Variants in RBFA observed in about 807,000 individuals in gnomAD.
RBFA encodes putative ribosome-binding factor A, mitochondrial.
In RBFA, 16 loss-of-function variants were observed where a neutral mutation model predicts 27.9. The ratio of observed to expected loss-of-function variants is 0.57; its 90% CI spans 0.39 to 0.87. The LOEUF (loss-of-function observed/expected upper bound fraction) is 0.87, where lower values mean the gene tolerates loss of function less well. RBFA is among the 40% of genes least tolerant of loss of function. The probability of loss-of-function intolerance (pLI) is 0.00; values close to 1 mark genes in which losing one functional copy is unlikely to be tolerated. For missense variants in RBFA, 456 were observed against 432.1 expected (o/e 1.06, Z -0.49); for synonymous variants, 181 against 181.0 (o/e 1.00, Z 0.00).
rs1167983852 is a variant in RBFA at position 80,046,632 on chromosome 18, G to A, written c.*477G>A. 3.3e-5 allele frequency among the ~76,000 whole-genome samples: 5 copies of A among 152,000 alleles called. No homozygotes were observed. Among genetic ancestry groups the A allele is most frequent in the African/African-American group, 1.2e-4 (5 of 41,386 alleles). Reference sequence around the variant, plus strand: ...TGGCGCCGGGGGCTCCATCCCTGGGGCTGCTGGGTCGGCACGTGGCGCCGG... The same window carrying A: ...TGGCGCCGGGGGCTCCATCCCTGGGACTGCTGGGTCGGCACGTGGCGCCGG... On this transcript the variant is annotated 3_prime_UTR_variant, in exon 7 of 7. Coordinates refer to ENST00000306735, the MANE Select transcript of RBFA (RefSeq NM_024805.3).
In RBFA at chr18:80,038,510, C is replaced by A. The variant is rs769921430; in HGVS notation, c.384C>A (p.Ser128=). The change falls in exon 4 of 7, where the codon TCC becomes TCA. Residue 128 remains serine, a synonymous_variant. Coordinates refer to ENST00000306735, the MANE Select transcript of RBFA (RefSeq NM_024805.3). ...YDLNVELSKV[S]LTPDFSACRA... Reference sequence around the variant, plus strand: ...GTGGAGGGGCGGGGTCTCAGGTTTCCCTGACTCCAGACTTCTCAGCCTGCC... The same window carrying A: ...GTGGAGGGGCGGGGTCTCAGGTTTCACTGACTCCAGACTTCTCAGCCTGCC... 1 of 1,610,166 alleles carries A rather than the reference C, an allele frequency of 6.2e-7. No homozygotes were observed. The highest frequency in any genetic ancestry group is 1.1e-5 in the South Asian group (1 of 90,656).
chr18:80,035,641 GC>G (rs1287765388), intron 1 of RBFA: 1 of 152,148 alleles, frequency 6.6e-6, no homozygotes, highest in East Asian at 1.9e-4. Flanking sequence ...TACTCTTTTT[GC>G]CCCCTTTCCT....
In RBFA at chr18:80,048,761, C is replaced by T. The variant is rs1299719760; in HGVS notation, c.*2606C>T. Among the ~76,000 whole-genome samples, 6 of 152,138 alleles carry T rather than the reference C, an allele frequency of 3.9e-5. No homozygotes were observed. The highest frequency in any genetic ancestry group is 7.4e-5 in the Non-Finnish European group (5 of 67,990). On this transcript the variant is annotated 3_prime_UTR_variant, in exon 7 of 7. Coordinates refer to ENST00000306735, the MANE Select transcript of RBFA (RefSeq NM_024805.3). ...TGCTGCAGGAGATCCAACCAGGCGC[C>T]GGCTCAGTGCCTCCTAGAAAGAGGA...
chr18:80,041,910 T>C (rs1223521581), intron 4 of RBFA: 2 of 212,976 alleles, frequency 9.4e-6, no homozygotes, highest in Non-Finnish European at 1.9e-5. Flanking sequence ...GTATTTTTAG[T>C]AGAGACGGGG....
chr18:80,044,346 A>G (rs1466888185), intron 6 of RBFA, 61 bp downstream of exon 6: 4 of 1,451,338 alleles, frequency 2.8e-6, no homozygotes, highest in African/African-American at 1.4e-5. Flanking sequence ...TGGAATCACC[A>G]TTTTCCAGAG....
Position 80,048,390 on chromosome 18 carries a change from A to G in RBFA, c.*2235A>G, listed in dbSNP as rs1446437811. On this transcript the variant is annotated 3_prime_UTR_variant, in exon 7 of 7. Transcript: ENST00000306735. ...GTTAAAGAAGGAGAGAACGCCCTCA[A>G]TGGTGTGTCCTTTGCATACACACCT... Among the ~76,000 whole-genome samples, 2 of 152,184 alleles carry G rather than the reference A, an allele frequency of 1.3e-5. No individual in the cohort carries two copies. Among genetic ancestry groups the G allele is most frequent in the Non-Finnish European group, 1.5e-5 (1 of 68,030 alleles).
intron 4 of RBFA, 27 bp from the exon 5 acceptor site, chr18:80,042,108 T>G: frequency 4.5e-6 from 7 of 1,543,440 alleles, no homozygotes; most frequent in Non-Finnish European, 6.2e-6. Context: ...GGCACAGCTG[T>G]GAGGGTCTGT....
chr18:80,037,388 A>T lies in RBFA; in HGVS notation c.260A>T (p.Lys87Met). ...AGGAGCACCTCAAAGAAAACCAGGA[A>T]GGAAGACCATGCGCGCCTGAGGGCC... Reference protein sequence around the residue: ...LMRSTSKKTRKEDHARLRALN... With the variant: ...LMRSTSKKTRMEDHARLRALN... Residue 87 changes from lysine to methionine, a missense_variant, in exon 3 of 7, where the codon AAG becomes ATG. Lys to Met is a moderately conservative substitution (Grantham distance 95). Coordinates refer to ENST00000306735, the MANE Select transcript of RBFA (RefSeq NM_024805.3). The T allele has an allele frequency of 6.2e-7, 1 of 1,614,144 alleles. No homozygotes were observed. The highest frequency in any genetic ancestry group is 8.5e-7 in the Non-Finnish European group (1 of 1,180,018).
In RBFA at chr18:80,034,520, T is replaced by C; in HGVS notation, c.25T>C (p.Trp9Arg). 1.9e-6 allele frequency: 3 copies of C among 1,586,108 alleles called. No individual in the cohort carries two copies. Among genetic ancestry groups the C allele is most frequent in the Non-Finnish European group, 2.6e-6 (3 of 1,171,582 alleles). Reference protein sequence around the residue: MWAAAGGLWRSRAGLRALF... With the variant: MWAAAGGLRRSRAGLRALF... ...CATGTGGGCTGCGGCGGGCGGGCTG[T>C]GGCGCTCCCGCGCGGGTCTCCGGGC... Residue 9 changes from tryptophan (W) to arginine (R), a missense_variant, in exon 1 of 7, where the codon TGG (tryptophan) becomes CGG (arginine). Physicochemically the swap from Trp to Arg is moderately radical, Grantham distance 101. Coordinates refer to ENST00000306735, the MANE Select transcript of RBFA (RefSeq NM_024805.3).
rs1053297161 is a variant in RBFA at position 80,050,590 on chromosome 18, G to T, written c.*4435G>T. Among the ~76,000 whole-genome samples the T allele has an allele frequency of 6.6e-6, 1 of 152,194 alleles. No homozygotes were observed. Among genetic ancestry groups the T allele is most frequent in the Non-Finnish European group, 1.5e-5 (1 of 68,028 alleles). The stretch of plus-strand genomic sequence containing the variant: ...GCTGCTGCTCTACTGTGGCCTCAAA[G>T]ATCATAAATGCTGTGGGTGCTGGCA... On this transcript the variant is annotated 3_prime_UTR_variant, in exon 7 of 7. Transcript: ENST00000306735.
In RBFA at chr18:80,050,498, G is replaced by A. The variant is rs1337996051; in HGVS notation, c.*4343G>A. Among the ~76,000 whole-genome samples, 2 of 152,098 alleles carry A rather than the reference G, an allele frequency of 1.3e-5. No homozygotes were observed. The highest frequency in any genetic ancestry group is 2.9e-5 in the Non-Finnish European group (2 of 68,014). On this transcript the variant is annotated 3_prime_UTR_variant, in exon 7 of 7. Coordinates refer to ENST00000306735, the MANE Select transcript of RBFA (RefSeq NM_024805.3). ...TTATCCTTTGTGCCACAAACAATCC[G>A]ATTATATTGTTTTAGTTATTTTTAA...
At chr18:80,035,301 T>G (rs2051970158) in intron 1 of RBFA, 1 of 152,470 alleles carries the variant, frequency 6.6e-6, no homozygotes, top group Non-Finnish European at 1.5e-5. Flanking sequence ...TATTCACTTT[T>G]CCTTGGTTCT....
intron 4 of RBFA, 151 bp from the exon 5 acceptor site, chr18:80,041,984 C>G (rs1475510310): frequency 2.9e-6 from 1 of 341,864 alleles, no homozygotes; most frequent in Non-Finnish European, 5.3e-6. Context: ...CCTCGGCCTC[C>G]CAAAGTGCTG....
At position 80,046,214 on chromosome 18, in the gene RBFA, A is replaced by C. The variant is rs1017270954; in HGVS notation, c.*59A>C. The C allele has an allele frequency of 1.3e-6, 2 of 1,547,780 alleles. No individual in the cohort carries two copies. Among genetic ancestry groups the C allele is most frequent in the South Asian group, 2.5e-5 (2 of 80,900 alleles). ...GAAAAGCATTGGCACGCAACGCAGCATGTGGCTTCATTGAGGCAGTTGATG... is the reference window on the plus strand; with the variant it reads ...GAAAAGCATTGGCACGCAACGCAGCCTGTGGCTTCATTGAGGCAGTTGATG... On this transcript the variant is annotated 3_prime_UTR_variant, in exon 7 of 7. Coordinates refer to ENST00000306735, the MANE Select transcript of RBFA (RefSeq NM_024805.3).
At chr18:80,040,882 A>C (rs984694854) in intron 4 of RBFA, among the ~76,000 whole-genome samples, 5 of 152,180 alleles carry the variant, frequency 3.3e-5, no homozygotes, top group Non-Finnish European at 7.3e-5. Flanking sequence ...TGGGACCAAC[A>C]ATTTTGGGAA....
rs2051996227 is a variant in RBFA at position 80,038,522 on chromosome 18, C to G, written c.396C>G (p.Asp132Glu). ...VELSKVSLTP[D>E]FSACRAYWKT... The stretch of plus-strand genomic sequence containing the variant: ...GGTCTCAGGTTTCCCTGACTCCAGA[C>G]TTCTCAGCCTGCCGAGCGTACTGGA... The change falls in exon 4 of 7, where the codon GAC becomes GAG. Residue 132 changes from aspartate to glutamate, a missense_variant. Transcript: ENST00000306735. 3 of 1,613,172 alleles carry G rather than the reference C, an allele frequency of 1.9e-6. No homozygotes were observed. Among genetic ancestry groups the G allele is most frequent in the Admixed American group, 1.7e-5 (1 of 59,910 alleles).
intron 4 of RBFA, chr18:80,041,194 G>A (rs1206241117): frequency 6.6e-6 from 1 of 152,220 alleles, no homozygotes; most frequent in East Asian, 1.9e-4. Flanking sequence ...ACAAAAGCAA[G>A]AAAATGAGAG....
rs1011615498 is a variant in RBFA, at chr18:80,034,601, T to G, written c.106T>G (p.Cys36Gly). ...LFPGCERGLH[C>G]SAVSCKNWLK... is the part of the protein sequence containing the mutation. ...TCCAGGCTGCGAGCGGGGACTTCAC[T>G]GCTCTGCTGTCTCCTGCAAGAACTG... is the stretch of plus-strand genomic sequence containing the variant. Residue 36 changes from cysteine to glycine, a missense_variant, in exon 1 of 7, where the codon TGC becomes GGC. Physicochemically the swap from Cys to Gly is radical, Grantham distance 159. Coordinates refer to ENST00000306735, the MANE Select transcript of RBFA (RefSeq NM_024805.3). 5 of 1,609,924 alleles carry G rather than the reference T, an allele frequency of 3.1e-6. No individual in the cohort carries two copies. Among genetic ancestry groups the G allele is most frequent in the Non-Finnish European group, 4.2e-6 (5 of 1,179,092 alleles).
rs2052050515 is a variant in RBFA at position 80,045,975 on chromosome 18, C to T, written c.852C>T (p.Pro284=). Residue 284 remains proline, a synonymous_variant, in exon 7 of 7, where the codon CCC becomes CCT. Coordinates refer to ENST00000306735, the MANE Select transcript of RBFA (RefSeq NM_024805.3). ...QMKKGRKRAK[P]RLEQDSSLKS... is the part of the protein sequence containing the mutation. ...AAAAGGGAAGGAAGAGGGCCAAGCC[C>T]CGCCTGGAGCAGGACAGCTCCCTCA... 1 of 1,614,132 alleles carries T rather than the reference C, an allele frequency of 6.2e-7. No individual in the cohort carries two copies. Among genetic ancestry groups the T allele is most frequent in the Non-Finnish European group, 8.5e-7 (1 of 1,180,038 alleles).
Sources: allele counts gnomAD v4.1 joint callset (sites outside exome capture counted in the v4.1 genomes callset), GRCh38; gene constraint gnomAD v4.1.1; transcripts MANE v1.5; gene names NCBI Gene and HGNC (gene_info 2026-07-23, HGNC 2026-07-21).